The following RASGEF1C variants were observed in gnomAD, a reference collection of about 807,000 sequenced individuals.
The protein encoded by RASGEF1C is ras-GEF domain-containing family member 1C.
A neutral mutation model predicts 58.1 loss-of-function variants in RASGEF1C; 27 were observed. The ratio of observed to expected loss-of-function variants is 0.46; its 90% CI spans 0.34 to 0.64. RASGEF1C has a LOEUF of 0.64. Among genes scored for constraint, RASGEF1C ranks in the 30% least tolerant of loss-of-function variants. The pLI is 0.01. For synonymous variants in RASGEF1C, 243 were observed against 246.3 expected, an observed-to-expected ratio of 0.99 and a Z score of 0.13; for missense variants, 502 against 605.1, an observed-to-expected ratio of 0.83 and a Z score of 1.79.
chr5:180,108,062 T>C (rs1765897907), intron 12 of RASGEF1C, among the ~76,000 whole-genome samples: 1 of 152,226 alleles, frequency 6.6e-6, no homozygotes, highest in South Asian at 2.1e-4. Flanking sequence ...CTGGGAACTT[T>C]CTAGCCATTA....
intron 1 of RASGEF1C, among the ~76,000 whole-genome samples, chr5:180,181,990 T>C (rs1026020614): frequency 6.6e-6 from 1 of 151,180 alleles, no homozygotes; most frequent in Non-Finnish European, 1.5e-5. Context: ...GATCACGAGG[T>C]CAGGAGATCG....
Position 180,133,752 on chromosome 5 carries a change from AGAG to A in RASGEF1C, c.438+2623_438+2625del, listed in dbSNP as rs1436532101. The stretch of plus-strand genomic sequence containing the variant: ...ATTGTTGGAGTTGGGTGATGAGGAC[AGAG>A]GAGTGCATGGTAACCATTCTTCACT... On this transcript the variant is annotated intron_variant, in intron 4 of 13. Coordinates refer to ENST00000361132, the MANE Select transcript of RASGEF1C (RefSeq NM_175062.4). Among the ~76,000 whole-genome samples, 5 of 152,356 alleles carry A rather than the reference AGAG, an allele frequency of 3.3e-5. 1 individual carries two copies. The East Asian group carries it at 9.6e-4, about 29-fold the overall frequency.
intron 12 of RASGEF1C, among the ~76,000 whole-genome samples, chr5:180,107,140 C>G (rs1765885411): frequency 6.6e-6 from 1 of 152,074 alleles, no homozygotes; most frequent in Non-Finnish European, 1.5e-5. Flanking sequence ...TTTTACTTAT[C>G]AAAATGTCTC....
intron 1 of RASGEF1C, among the ~76,000 whole-genome samples, chr5:180,159,204 A>G (rs1358889696): frequency 2.0e-5 from 3 of 150,970 alleles, no homozygotes; most frequent in Non-Finnish European, 4.4e-5. Flanking sequence ...CAACGGCGCG[A>G]TCTCGGCTCA....
intron 1 of RASGEF1C, among the ~76,000 whole-genome samples, chr5:180,173,031 C>T (rs114641096): frequency 6.6e-6 from 1 of 152,232 alleles, no homozygotes; most frequent in Admixed American, 6.5e-5. Flanking sequence ...CTTCTGTCCC[C>T]TGGCAGGACC....
chr5:180,178,774 C>T (rs1767272778), intron 1 of RASGEF1C, among the ~76,000 whole-genome samples: 1 of 152,156 alleles, frequency 6.6e-6, no homozygotes, highest in Non-Finnish European at 1.5e-5. Context: ...CCTTATTGGC[C>T]ATGAGACCCC....
At position 180,197,121 on chromosome 5, in the gene RASGEF1C, G is replaced by T. The variant is rs551906742; in HGVS notation, c.-7+11907C>A. Among the ~76,000 whole-genome samples the T allele has an allele frequency of 3.3e-4, 50 of 152,326 alleles. No homozygotes were observed. Among genetic ancestry groups the T allele is most frequent in the African/African-American group, 1.2e-3 (50 of 41,562 alleles). ...AGCCTGCCTCTGATGAGCCTCCTTG[G>T]TCCCTCTGCAGCACGATCCCCTTCC... On this transcript the variant is annotated intron_variant, in intron 1 of 13. Transcript: ENST00000361132. The surrounding 1 kb of genome is among the most constrained non-coding windows in gnomAD (Gnocchi z 4.7).
At chr5:180,172,388 G>A (rs991162715) in intron 1 of RASGEF1C, among the ~76,000 whole-genome samples, 1 of 152,168 alleles carries the variant, frequency 6.6e-6, no homozygotes, top group Admixed American at 6.5e-5. Flanking sequence ...ACTGCTGCGT[G>A]TGTTCCCCTG....
intron 12 of RASGEF1C, among the ~76,000 whole-genome samples, chr5:180,107,842 G>A (rs920551278): frequency 3.0e-4 from 46 of 152,122 alleles, no homozygotes; most frequent in African/African-American, 9.7e-4. Flanking sequence ...GGCTGGTCTC[G>A]AATTCCTGGC....
At chr5:180,139,067 A>C (rs1766534647) in intron 1 of RASGEF1C, among the ~76,000 whole-genome samples, 1 of 152,038 alleles carries the variant, frequency 6.6e-6, no homozygotes, top group Non-Finnish European at 1.5e-5. Context: ...TTCTCTACCC[A>C]AACCTCCAGG....
intron 1 of RASGEF1C, among the ~76,000 whole-genome samples, chr5:180,165,280 T>A (rs1318912698): frequency 6.6e-6 from 1 of 152,232 alleles, no homozygotes; most frequent in East Asian, 1.9e-4. Context: ...TATTGATATG[T>A]TTGAATGAAG....
rs2127563910 is a variant in RASGEF1C at position 180,198,829 on chromosome 5, G to A, written c.-7+10199C>T. On this transcript the variant is annotated intron_variant, in intron 1 of 13. Transcript: ENST00000361132. This position sits in a 1 kb window ranked among gnomAD's most constrained non-coding sequence, Gnocchi z 4.5. The stretch of plus-strand genomic sequence containing the variant: ...TGCTGCTTCTGGGATCCTTTAGGGG[G>A]TCCTGCATGAAATGAGCCTGGCAAG... Among the ~76,000 whole-genome samples, 1 of 152,260 alleles carries A rather than the reference G, an allele frequency of 6.6e-6. No homozygotes were observed. The highest frequency in any genetic ancestry group is 1.5e-5 in the Non-Finnish European group (1 of 68,000).
rs1329148867 is a variant in RASGEF1C at position 180,155,049 on chromosome 5, T to C, written c.-6-16991A>G. On this transcript the variant is annotated intron_variant, in intron 1 of 13. Transcript: ENST00000361132. The surrounding 1 kb of genome is among the most constrained non-coding windows in gnomAD (Gnocchi z 5.2). ...AGTACTTGAAGCCACAGTGTGACTC[T>C]TGGAAGCCTCCAGGAGGCAGGGAGC... Among the ~76,000 whole-genome samples the C allele has an allele frequency of 2.6e-5, 4 of 152,132 alleles. No homozygotes were observed. The highest frequency in any genetic ancestry group is 6.5e-5 in the Admixed American group (1 of 15,278).
Position 180,141,420 on chromosome 5 carries a change from A to G in RASGEF1C, c.-6-3362T>C, listed in dbSNP as rs1033596325. 4.6e-5 allele frequency among the ~76,000 whole-genome samples: 7 copies of G among 152,224 alleles called. No individual in the cohort carries two copies. The East Asian group carries it at 5.8e-4, about 13-fold the overall frequency. On this transcript the variant is annotated intron_variant, in intron 1 of 13. Transcript: ENST00000361132. The stretch of plus-strand genomic sequence containing the variant: ...AGGTTCTGAGCCTGCGGCAACACGG[A>G]TGACCTTGAGGACGTCATGCTAAGT...
rs922689235 is a variant in RASGEF1C at position 180,198,691 on chromosome 5, G to A, written c.-7+10337C>T. ...TCAATACAATCACACTGGCAATTACGTTTCAATATATACCAGTCAACAATT... is the reference window on the plus strand; with the variant it reads ...TCAATACAATCACACTGGCAATTACATTTCAATATATACCAGTCAACAATT... On this transcript the variant is annotated intron_variant, in intron 1 of 13. Transcript: ENST00000361132. The surrounding 1 kb of genome is among the most constrained non-coding windows in gnomAD (Gnocchi z 4.5). Among the ~76,000 whole-genome samples the A allele has an allele frequency of 3.9e-5, 6 of 152,120 alleles. No homozygotes were observed. Among genetic ancestry groups the A allele is most frequent in the African/African-American group, 9.7e-5 (4 of 41,402 alleles).
At chr5:180,111,311 G>C in intron 12 of RASGEF1C, 146 bp downstream of exon 12, 1 of 1,054,454 alleles carries the variant, frequency 9.5e-7, no homozygotes, top group Non-Finnish European at 1.4e-6. Flanking sequence ...CAGGGGGATG[G>C]AGCCCTCCTT....
intron 6 of RASGEF1C, among the ~76,000 whole-genome samples, chr5:180,127,165 TC>T (rs1766276271): frequency 6.6e-6 from 1 of 151,844 alleles, no homozygotes; most frequent in Non-Finnish European, 1.5e-5. Flanking sequence ...ACCCAGGAGT[TC>T]CCTTACCCAT....
At position 180,198,482 on chromosome 5, in the gene RASGEF1C, G is replaced by GA. The variant is rs1445838234; in HGVS notation, c.-7+10545dup. 6.6e-6 allele frequency among the ~76,000 whole-genome samples: 1 copy of GA among 152,194 alleles called. No homozygotes were observed. The highest frequency in any genetic ancestry group is 1.5e-5 in the Non-Finnish European group (1 of 68,030). On this transcript the variant is annotated intron_variant, in intron 1 of 13. Coordinates refer to ENST00000361132, the MANE Select transcript of RASGEF1C (RefSeq NM_175062.4). The surrounding 1 kb of genome is among the most constrained non-coding windows in gnomAD (Gnocchi z 4.5). Reference sequence around the variant, plus strand: ...GAGGCTGGATAATTTATAAGTAGTAGAAATGTATGCCTCACAGTTCTAGAG... The same window carrying GA: ...GAGGCTGGATAATTTATAAGTAGTAGAAAATGTATGCCTCACAGTTCTAGAG...
intron 1 of RASGEF1C, among the ~76,000 whole-genome samples, chr5:180,174,574 CTGTGTGTGCGCACGTGTG>C (rs1327841909): frequency 2.1e-5 from 3 of 146,040 alleles, no homozygotes; most frequent in Admixed American, 6.8e-5. Flanking sequence ...GCACGTGTGT[CTGTGTGTGCGCACGTGTG>C]TGTGTGTGTG....
Sources: allele counts gnomAD v4.1 joint callset (sites outside exome capture counted in the v4.1 genomes callset), GRCh38; gene constraint gnomAD v4.1.1; non-coding constraint Gnocchi (gnomAD v3.1); transcripts MANE v1.5; gene names NCBI Gene and HGNC (gene_info 2026-07-23, HGNC 2026-07-21).